The following ZNF385D variants were observed in gnomAD, a reference collection of about 807,000 sequenced individuals.
The protein encoded by ZNF385D is zinc finger protein 659.
A neutral mutation model predicts 35.8 loss-of-function variants in ZNF385D; 15 were observed. That is an observed-to-expected ratio of 0.42 (90% CI 0.28 to 0.64). The LOEUF (loss-of-function observed/expected upper bound fraction) is 0.64, where lower values mean the gene tolerates loss of function less well. Ranked by LOEUF, ZNF385D falls within the 30% of genes least tolerant of loss-of-function variation. The pLI, the probability that ZNF385D is intolerant of heterozygous loss-of-function variation, is 0.23. For missense variants in ZNF385D, 474 were observed against 494.6 expected, an observed-to-expected ratio of 0.96 and a Z score of 0.39; for synonymous variants, 212 against 186.8, an observed-to-expected ratio of 1.13 and a Z score of -1.10.
chr3:21,651,848 T>G (rs1423438652), intron 2 of ZNF385D, among the ~76,000 whole-genome samples: 1 of 152,310 alleles, frequency 6.6e-6, no homozygotes, highest in East Asian at 1.9e-4. Context: ...ATTTTAAATT[T>G]TGCAAGCTAG....
chr3:22,039,273 AG>A (rs71702125), intron 3 of ZNF385D, among the ~76,000 whole-genome samples: 11 of 119,888 alleles, frequency 9.2e-5, no homozygotes, highest in Non-Finnish European at 1.5e-4. Flanking sequence ...AAAAAAAAAA[AG>A]AGTCTATGTA....
chr3:22,047,775 G>A (rs1333648711), intron 3 of ZNF385D, among the ~76,000 whole-genome samples: 2 of 152,096 alleles, frequency 1.3e-5, no homozygotes, highest in Non-Finnish European at 2.9e-5. Flanking sequence ...AAGTGGGATT[G>A]CCAAATCATA....
intron 3 of ZNF385D, among the ~76,000 whole-genome samples, chr3:22,119,469 G>A (rs1218365804): frequency 2.6e-5 from 4 of 152,096 alleles, no homozygotes; most frequent in Non-Finnish European, 5.9e-5. Context: ...ATGCTTAAAT[G>A]ATTTATTAAT....
At chr3:21,901,929 T>C (rs1260782253) in intron 3 of ZNF385D, among the ~76,000 whole-genome samples, 1 of 152,090 alleles carries the variant, frequency 6.6e-6, no homozygotes, top group Non-Finnish European at 1.5e-5. Context: ...CCATGTTTAG[T>C]TCCCTTGTTT....
At chr3:21,785,488 G>A (rs185370923) in intron 3 of ZNF385D, among the ~76,000 whole-genome samples, 4 of 152,252 alleles carry the variant, frequency 2.6e-5, no homozygotes, top group Admixed American at 1.3e-4. Flanking sequence ...TACAGGTACA[G>A]TGTTGTGCAT....
intron 2 of ZNF385D, among the ~76,000 whole-genome samples, chr3:22,363,461 C>T (rs145775555): frequency 1.7e-4 from 26 of 152,240 alleles, no homozygotes; most frequent in African/African-American, 6.3e-4. Context: ...AATAACTAAA[C>T]TTCTTTATAT....
chr3:21,426,523 CT>C (rs112254979), intron 5 of ZNF385D, among the ~76,000 whole-genome samples: 6 of 150,970 alleles, frequency 4.0e-5, no homozygotes, highest in Non-Finnish European at 8.9e-5. Context: ...CACAAAATTT[CT>C]TTTTTTTTAG....
rs138565209 is a variant in ZNF385D, at chr3:21,895,054, C to T, written c.326-230026G>A. 2.5e-3 allele frequency among the ~76,000 whole-genome samples: 378 copies of T among 152,010 alleles called. 1 individual carries two copies. The highest frequency in any genetic ancestry group is 6.8e-3 in the Middle Eastern group (2 of 294). On this transcript the variant is annotated intron_variant, in intron 3 of 5. Coordinates refer to the ZNF385D transcript ENST00000494108. ...ATAGCAGATAGGCCAGGGAGAGCTA[C>T]GCAACAGATGGTAAAATAAGAATCT...
intron 2 of ZNF385D, among the ~76,000 whole-genome samples, chr3:22,319,392 T>A (rs1276809903): frequency 2.6e-5 from 4 of 151,800 alleles, no homozygotes; most frequent in Non-Finnish European, 5.9e-5. Context: ...TTAAATTATA[T>A]GCAATATTGA....
chr3:21,983,149 ATT>A (rs1559818005), intron 3 of ZNF385D, among the ~76,000 whole-genome samples: 4 of 118,468 alleles, frequency 3.4e-5, no homozygotes, highest in African/African-American at 1.0e-4. Flanking sequence ...TTTTTATTTT[ATT>A]TTATTTTATT....
At chr3:21,796,805 T>A (rs1207491020) in intron 3 of ZNF385D, among the ~76,000 whole-genome samples, 1 of 152,186 alleles carries the variant, frequency 6.6e-6, no homozygotes, top group African/African-American at 2.4e-5. Context: ...TGAACCCAGA[T>A]CTGGCTGACC....
rs79101985 is a variant in ZNF385D at position 21,626,480 on chromosome 3, T to C, written c.165+38406A>G. ...CTCTTAAGATAATATTTGGTTCTGA[T>C]CTGTGACATTTCCTTTTGCTCCTTG... On this transcript the variant is annotated intron_variant, in intron 2 of 7. Transcript: ENST00000281523. Among the ~76,000 whole-genome samples the C allele has an allele frequency of 3.3e-3, 501 of 152,288 alleles. 2 individuals are homozygous for C. The highest frequency in any genetic ancestry group is 0.012 in the African/African-American group (479 of 41,588).
At chr3:21,577,568 T>A (rs2063529691) in intron 2 of ZNF385D, among the ~76,000 whole-genome samples, 1 of 152,144 alleles carries the variant, frequency 6.6e-6, no homozygotes, top group Non-Finnish European at 1.5e-5. Context: ...ATGTTTAGTT[T>A]TTGGAGGAAC....
chr3:21,821,861 G>A (rs2125736813), intron 3 of ZNF385D, among the ~76,000 whole-genome samples: 1 of 151,184 alleles, frequency 6.6e-6, no homozygotes, highest in African/African-American at 2.4e-5. Flanking sequence ...AGGTACTCGG[G>A]AGGCTGAGAC....
In ZNF385D at chr3:21,492,600, CGGT is replaced by C. The variant is rs533169866; in HGVS notation, c.439+18258_439+18260del. On this transcript the variant is annotated intron_variant, in intron 4 of 7. Coordinates refer to ENST00000281523, the MANE Select transcript of ZNF385D (RefSeq NM_024697.3). ...GAGTTCGAGACTAGCCTGACCAATACGGTGAAACCTCCTCTCCACCAAAAACTA... is the reference window on the plus strand; with the variant it reads ...GAGTTCGAGACTAGCCTGACCAATACGAAACCTCCTCTCCACCAAAAACTA... Among the ~76,000 whole-genome samples the C allele has an allele frequency of 2.4e-3, 366 of 151,336 alleles. 1 individual carries two copies. Among genetic ancestry groups the C allele is most frequent in the Non-Finnish European group, 3.8e-3 (257 of 67,794 alleles).
chr3:22,246,477 T>A (rs1310353846), intron 2 of ZNF385D, among the ~76,000 whole-genome samples: 1 of 152,070 alleles, frequency 6.6e-6, no homozygotes, highest in Non-Finnish European at 1.5e-5. Flanking sequence ...GAAAAACCAA[T>A]CTATAAGTGA....
At chr3:21,492,550 A>C (rs1159211169) in intron 4 of ZNF385D, among the ~76,000 whole-genome samples, 1 of 151,746 alleles carries the variant, frequency 6.6e-6, no homozygotes, top group Admixed American at 6.6e-5. Context: ...TGGGAGGCCA[A>C]GAAAGGAGGA....
intron 2 of ZNF385D, among the ~76,000 whole-genome samples, chr3:22,321,575 C>G (rs1253986699): frequency 6.6e-6 from 1 of 151,956 alleles, no homozygotes; most frequent in Admixed American, 6.6e-5. Context: ...CTGTGTTAGC[C>G]AGGATGGTCT....
intron 3 of ZNF385D, among the ~76,000 whole-genome samples, chr3:21,911,494 GTTTT>G (rs982567768): frequency 1.1e-4 from 17 of 151,874 alleles, no homozygotes; most frequent in African/African-American, 3.4e-4. Context: ...AATTCTAAAG[GTTTT>G]TTATTTGTAT....
Sources: allele counts gnomAD v4.1 joint callset (sites outside exome capture counted in the v4.1 genomes callset), GRCh38; gene constraint gnomAD v4.1.1; transcripts MANE v1.5; gene names NCBI Gene and HGNC (gene_info 2026-07-23, HGNC 2026-07-21).